PDGFD: variants seen among roughly 807,000 people sequenced by gnomAD.
PDGFD encodes platelet derived growth factor D.
In PDGFD, 30 loss-of-function variants were observed where a neutral mutation model predicts 44.7. That is an observed-to-expected ratio of 0.67 (90% CI 0.50 to 0.91). The LOEUF (loss-of-function observed/expected upper bound fraction) is 0.91. PDGFD is among the 40% of genes least tolerant of loss of function. PDGFD has a pLI of 0.00. For missense variants in PDGFD, 445 were observed against 457.8 expected (o/e 0.97, Z 0.25); for synonymous variants, 173 against 168.4 (o/e 1.03, Z -0.21).
At chr11:104,029,871 T>G (rs1860098384) in intron 1 of PDGFD, among the ~76,000 whole-genome samples, 1 of 152,144 alleles carries the variant, frequency 6.6e-6, no homozygotes, top group East Asian at 1.9e-4. Context: ...TTTAGTACCA[T>G]CAACAAATTC....
intron 1 of PDGFD, among the ~76,000 whole-genome samples, chr11:104,101,238 G>A (rs1286246189): frequency 1.3e-5 from 2 of 152,138 alleles, no homozygotes; most frequent in East Asian, 1.9e-4. Flanking sequence ...CAAGCTGATA[G>A]GCAACCTCAG....
At chr11:103,962,128 T>C (rs1316563666) in intron 3 of PDGFD, among the ~76,000 whole-genome samples, 3 of 152,174 alleles carry the variant, frequency 2.0e-5, no homozygotes, top group African/African-American at 4.8e-5. Context: ...TTCGGTGCCG[T>C]TGGTTTGGAA....
At position 104,028,673 on chromosome 11, in the gene PDGFD, G is replaced by A. The variant is rs370986026; in HGVS notation, c.125-28418C>T. On this transcript the variant is annotated intron_variant, in intron 1 of 6. Coordinates refer to ENST00000393158, the MANE Select transcript of PDGFD (RefSeq NM_025208.5). Reference sequence around the variant, plus strand: ...CTTGTCTCTTAACCACTGGCATGAAGGGGCCACCACAACCCTGCATTCTAG... The same window carrying A: ...CTTGTCTCTTAACCACTGGCATGAAAGGGCCACCACAACCCTGCATTCTAG... Among the ~76,000 whole-genome samples the A allele has an allele frequency of 6.4e-4, 96 of 148,904 alleles. 1 individual carries two copies. In the East Asian group the frequency reaches 0.018, roughly 28 times the overall value.
In PDGFD at chr11:104,106,194, C is replaced by T. The variant is rs530643519; in HGVS notation, c.124+57610G>A. Among the ~76,000 whole-genome samples, 23 of 152,234 alleles carry T rather than the reference C, an allele frequency of 1.5e-4. No homozygotes were observed. The East Asian group carries it at 3.7e-3, about 24-fold the overall frequency. On this transcript the variant is annotated intron_variant, in intron 1 of 6. Transcript: ENST00000393158. The stretch of plus-strand genomic sequence containing the variant: ...TAAACTATGTAATCTCAAACCTCCA[C>T]GCACGATAGTTGTAAACAAGATGAG...
intron 1 of PDGFD, among the ~76,000 whole-genome samples, chr11:104,068,183 A>G (rs1219589916): frequency 6.6e-6 from 1 of 152,096 alleles, no homozygotes; most frequent in African/African-American, 2.4e-5. Context: ...CCATACCCAC[A>G]CCTTATATGG....
chr11:104,137,485 T>C (rs1371923525), intron 1 of PDGFD, among the ~76,000 whole-genome samples: 1 of 152,114 alleles, frequency 6.6e-6, no homozygotes. Context: ...AAATTTATCG[T>C]ATTGTTTCTA....
rs1857962272 is a variant in PDGFD, at chr11:103,907,927, GT to G, written c.*1766del. The G allele has an allele frequency of 6.6e-6, 1 of 152,166 alleles. No homozygotes were observed. The highest frequency in any genetic ancestry group is 2.1e-4 in the South Asian group (1 of 4,828). 9.4% of individuals were successfully genotyped at this position (152,166 alleles called of 1,614,324 possible). On this transcript the variant is annotated 3_prime_UTR_variant, in exon 7 of 7. Transcript: ENST00000393158. ...AAAAACATCAGACACTTTTAGGAAA[GT>G]TTTAGAAGGTACATCTTCAATAAGC...
intron 1 of PDGFD, among the ~76,000 whole-genome samples, chr11:104,124,816 T>C (rs964805000): frequency 6.6e-6 from 1 of 152,070 alleles, no homozygotes; most frequent in Non-Finnish European, 1.5e-5. Flanking sequence ...TTAAAAGATT[T>C]AAGATAAAGA....
At chr11:104,102,050 T>C (rs1456816753) in intron 1 of PDGFD, among the ~76,000 whole-genome samples, 3 of 152,040 alleles carry the variant, frequency 2.0e-5, no homozygotes, top group East Asian at 1.9e-4. Flanking sequence ...CCAAAAGCAA[T>C]GGCAACAAAA....
At chr11:104,162,523 G>T (rs753698496) in intron 1 of PDGFD, among the ~76,000 whole-genome samples, 11 of 152,030 alleles carry the variant, frequency 7.2e-5, no homozygotes, top group Non-Finnish European at 1.6e-4. Context: ...AAAAATGCAC[G>T]GCTGGAATCT....
intron 1 of PDGFD, among the ~76,000 whole-genome samples, chr11:104,112,708 C>G (rs1008949567): frequency 3.3e-5 from 5 of 152,076 alleles, no homozygotes; most frequent in Admixed American, 3.3e-4. Context: ...AGAATGAGAT[C>G]ATGTCCTTTG....
At chr11:104,021,224 T>C (rs1859946247) in intron 1 of PDGFD, among the ~76,000 whole-genome samples, 1 of 152,198 alleles carries the variant, frequency 6.6e-6, no homozygotes. Context: ...ACTGAATAAC[T>C]AGTCTTATTA....
intron 1 of PDGFD, among the ~76,000 whole-genome samples, chr11:104,119,231 A>G (rs1182379442): frequency 3.6e-5 from 1 of 28,086 alleles, no homozygotes; most frequent in Non-Finnish European, 6.7e-5. Flanking sequence ...TTGATATAAT[A>G]TATAATATAT....
At chr11:104,106,245 C>A (rs1466143283) in intron 1 of PDGFD, among the ~76,000 whole-genome samples, 2 of 152,114 alleles carry the variant, frequency 1.3e-5, no homozygotes, top group Admixed American at 1.3e-4. Flanking sequence ...AGCACTCTGG[C>A]AGTATTTGTT....
intron 1 of PDGFD, among the ~76,000 whole-genome samples, chr11:104,053,296 C>A (rs1860570507): frequency 6.6e-6 from 1 of 152,208 alleles, no homozygotes; most frequent in South Asian, 2.1e-4. Context: ...TTATTTTGTT[C>A]TTTCTTGTGT....
At chr11:104,034,727 C>G (rs1860192168) in intron 1 of PDGFD, among the ~76,000 whole-genome samples, 1 of 151,872 alleles carries the variant, frequency 6.6e-6, no homozygotes, top group African/African-American at 2.4e-5. Flanking sequence ...ACTGCAAGCT[C>G]CACCTCCAAG....
At position 103,927,096 on chromosome 11, in the gene PDGFD, T is replaced by G. The variant is rs138058754; in HGVS notation, c.803A>C (p.Lys268Thr). Residue 268 changes from lysine (K) to threonine (T), a missense_variant, in exon 6 of 7, where the codon AAG becomes ACG. By Grantham distance (78) the Lys-to-Thr change is moderately conservative. Transcript: ENST00000393158. ...VDLDRLNDDA[K>T]RYSCTPRNYS... Reference sequence around the variant, plus strand: ...ATTCCTGGGAGTGCAACTGTAACGCTTGGCATCATCATTGAGCCTATCCAG... The same window carrying G: ...ATTCCTGGGAGTGCAACTGTAACGCGTGGCATCATCATTGAGCCTATCCAG... 1.2e-6 allele frequency: 2 copies of G among 1,614,130 alleles called. No homozygotes were observed. The highest frequency in any genetic ancestry group is 2.2e-5 in the South Asian group (2 of 91,080).
intron 6 of PDGFD, among the ~76,000 whole-genome samples, chr11:103,912,844 T>G (rs907930938): frequency 6.7e-6 from 1 of 150,086 alleles, no homozygotes; most frequent in Non-Finnish European, 1.5e-5. Flanking sequence ...TAGTCTCTGA[T>G]AAAACAGACT....
intron 1 of PDGFD, among the ~76,000 whole-genome samples, chr11:104,074,792 A>T (rs959055040): frequency 6.6e-6 from 1 of 152,210 alleles, no homozygotes; most frequent in African/African-American, 2.4e-5. Context: ...AGGAAAGGAA[A>T]GCAATTGTGA....
Sources: gnomAD v4.1 joint callset for allele counts (sites outside exome capture counted in the v4.1 genomes callset) on GRCh38, gnomAD v4.1.1 for gene constraint, MANE v1.5 for transcripts, NCBI Gene and HGNC (gene_info 2026-07-23, HGNC 2026-07-21) for gene names.